HSPG2: variants seen among roughly 807,000 people sequenced by gnomAD.
HSPG2 encodes basement membrane-specific heparan sulfate proteoglycan core protein.
HSPG2 carries 278 observed loss-of-function variants against 526.6 expected under a neutral mutation model. The observed-to-expected ratio is 0.53, with a 90% confidence interval of 0.48 to 0.58. The LOEUF (loss-of-function observed/expected upper bound fraction) is 0.58, where lower values mean the gene tolerates loss of function less well. Ranked by LOEUF, HSPG2 falls within the 20% of genes least tolerant of loss-of-function variation. HSPG2 has a pLI of 0.00. For synonymous variants in HSPG2, 2,465 were observed against 2,555.4 expected, an observed-to-expected ratio of 0.96 and a Z score of 1.07; for missense variants, 5,354 against 6,099.5, an observed-to-expected ratio of 0.88 and a Z score of 4.07.
rs145627267 is a variant in HSPG2, at chr1:21,830,690, C to CA, written c.11671+291dup. ...GGGCAACAAGAGCGAAACTTCGTCT[C>CA]AAAAAAAAAAAAAAAAAAAAAAGAT... On this transcript the variant is annotated intron_variant, in intron 85 of 96. Transcript: ENST00000374695. 49,875 of 109,246 alleles carry CA rather than the reference C, an allele frequency of 0.46. 12,545 individuals are homozygous for CA. Among genetic ancestry groups the CA allele is most frequent in the African/African-American group, 0.68 (8,912 of 13,164 alleles). 6.8% of individuals were successfully genotyped at this position (109,246 alleles called of 1,614,324 possible).
chr1:21,872,890 G>A lies in HSPG2; in HGVS notation c.3888+107C>T. On this transcript the variant is annotated intron_variant, in intron 31 of 96. Transcript: ENST00000374695. This position sits in a 1 kb window ranked among gnomAD's most constrained non-coding sequence, Gnocchi z 5.5. ...GCCCCTGCCCTGTCCCCCATGCCCT[G>A]CCCCCCATGCCCAGGTCTCGGCTTC... The A allele has an allele frequency of 1.1e-5, 17 of 1,525,748 alleles. No homozygotes were observed. Among genetic ancestry groups the A allele is most frequent in the Non-Finnish European group, 1.5e-5 (17 of 1,101,256 alleles). The allele number at this position is 1,525,748 out of a possible 1,614,324, so 94.5% of individuals were successfully genotyped here.
At position 21,859,924 on chromosome 1, in the gene HSPG2, C is replaced by T; in HGVS notation, c.5093G>A (p.Cys1698Tyr). 1.2e-6 allele frequency: 2 copies of T among 1,610,440 alleles called. No homozygotes were observed. The highest frequency in any genetic ancestry group is 1.7e-6 in the Non-Finnish European group (2 of 1,179,298). ...VPQGGSHSLR[C>Y]QVSGSPPHYF... ...GTGGGGTGGGCTCCCACTGACCTGA[C>T]ACCGCAGGGAGTGGGAGCCACCTTG... The change falls in exon 41 of 97, where the codon TGT (cysteine) becomes TAT (tyrosine). Residue 1698 changes from cysteine (C) to tyrosine (Y), a missense_variant. Coordinates refer to ENST00000374695, the MANE Select transcript of HSPG2 (RefSeq NM_005529.7). This position sits in a 1 kb window ranked among gnomAD's most constrained non-coding sequence, Gnocchi z 5.3.
Position 21,833,466 on chromosome 1 carries a change from C to T in HSPG2, c.10978+1G>A, listed in dbSNP as rs1318882338. 5.6e-6 allele frequency: 9 copies of T among 1,614,034 alleles called. No homozygotes were observed. Among genetic ancestry groups the T allele is most frequent in the Non-Finnish European group, 7.6e-6 (9 of 1,180,020 alleles). ...GCCAATTCTTAGGGGTGGTGTCTTACCTGGCACCTGCAGGTGGGCAAAGGC... is the reference window on the plus strand; with the variant it reads ...GCCAATTCTTAGGGGTGGTGTCTTATCTGGCACCTGCAGGTGGGCAAAGGC... On this transcript the variant is annotated splice_donor_variant, in intron 79 of 96. Coordinates refer to ENST00000374695, the MANE Select transcript of HSPG2 (RefSeq NM_005529.7). LOFTEE classifies it high-confidence loss of function.
rs546706122 is a variant in HSPG2 at position 21,833,926 on chromosome 1, C to CT, written c.10721-2dup. The CT allele has an allele frequency of 2.1e-4, 326 of 1,575,378 alleles. 3 individuals carry two copies. The South Asian group carries it at 2.7e-3, about 13-fold the overall frequency. On this transcript the variant is annotated splice_acceptor_variant, in intron 77 of 96. Transcript: ENST00000374695. LOFTEE classifies it high-confidence loss of function. The stretch of plus-strand genomic sequence containing the variant: ...TGGGGCATTGAGATCTGGGGCAAGG[C>CT]TGAGAGGCATGGAAGAGACATAGGC...
rs368102472 is a variant in HSPG2 at position 21,845,194 on chromosome 1, C to T, written c.8465-895G>A. 6.1e-4 allele frequency among the ~76,000 whole-genome samples: 93 copies of T among 152,144 alleles called. 2 individuals carry two copies. The South Asian group carries it at 0.019, about 31-fold the overall frequency. ...CCCAGAGGTGGAGATTGCAGTGAGC[C>T]GAGGTCATGCCACTGCACTCCAGCC... On this transcript the variant is annotated intron_variant, in intron 64 of 96. Transcript: ENST00000374695.
Position 21,859,720 on chromosome 1 carries a change from T to C in HSPG2, c.5183-44A>G. 6.3e-7 allele frequency: 1 copy of C among 1,584,030 alleles called. No individual in the cohort carries two copies. The highest frequency in any genetic ancestry group is 8.6e-7 in the Non-Finnish European group (1 of 1,163,282). ...GAGCTTGTTGGTGCAGATACACTCTTTCTCACATCCAGCCCCATGCACAAG... is the reference window on the plus strand; with the variant it reads ...GAGCTTGTTGGTGCAGATACACTCTCTCTCACATCCAGCCCCATGCACAAG... On this transcript the variant is annotated intron_variant, in intron 41 of 96. Transcript: ENST00000374695. This position sits in a 1 kb window ranked among gnomAD's most constrained non-coding sequence, Gnocchi z 5.3.
At chr1:21,862,830 G>T (rs201428207) in intron 37 of HSPG2, among the ~76,000 whole-genome samples, 1 of 1,686 alleles carries the variant, frequency 5.9e-4, no homozygotes, top group African/African-American at 6.2e-4. Context: ...ATCTCAGGAC[G>T]TGGGTGGATC....
chr1:21,843,310 T>C lies in HSPG2; in HGVS notation c.8745A>G (p.Pro2915=). 6.2e-7 allele frequency: 1 copy of C among 1,614,068 alleles called. No individual in the cohort carries two copies. ...SVLVTIEPSS[P]GPIPAPGLAQ... ...CCTATCACTCACCAGGAATGGGTCC[T>C]GGGCTGGAGGGCTCAATTGTGACCA... Residue 2915 remains proline (P), a synonymous_variant, in exon 66 of 97, where the codon CCA becomes CCG. Coordinates refer to ENST00000374695, the MANE Select transcript of HSPG2 (RefSeq NM_005529.7).
In HSPG2 at chr1:21,824,083, G is replaced by A. The variant is rs377296507; in HGVS notation, c.12899+38C>T. 4.4e-5 allele frequency: 69 copies of A among 1,575,500 alleles called. 1 individual carries two copies. The highest frequency in any genetic ancestry group is 3.9e-4 in the African/African-American group (29 of 74,436). On this transcript the variant is annotated intron_variant, in intron 95 of 96. Transcript: ENST00000374695. The surrounding 1 kb of genome is among the most constrained non-coding windows in gnomAD (Gnocchi z 5.9). ...GGGGCGTCCTGCCCCACTCCAGAAC[G>A]CTGGGCCCCATCCCGAGTGCCCGGC...
rs185524293 is a variant in HSPG2, at chr1:21,933,107, C to T, written c.63+4048G>A. Among the ~76,000 whole-genome samples, 12 of 151,522 alleles carry T rather than the reference C, an allele frequency of 7.9e-5. No homozygotes were observed. In the East Asian group the frequency reaches 2.3e-3, roughly 30 times the overall value. ...TAGAGGAGGGTGTCTGTAGTCCCAG[C>T]TACTCAGGGGGCTGAGGTGGGAGGA... On this transcript the variant is annotated intron_variant, in intron 1 of 96. Coordinates refer to ENST00000374695, the MANE Select transcript of HSPG2 (RefSeq NM_005529.7).
intron 1 of HSPG2, among the ~76,000 whole-genome samples, chr1:21,899,312 G>C (rs924107404): frequency 1.3e-5 from 2 of 152,198 alleles, no homozygotes; most frequent in African/African-American, 4.8e-5. Flanking sequence ...CTCCCAGAAA[G>C]AGCCAAAAGG....
chr1:21,868,273 A>G (rs1374635097), intron 33 of HSPG2, among the ~76,000 whole-genome samples: 2 of 151,862 alleles, frequency 1.3e-5, no homozygotes, highest in African/African-American at 4.8e-5. Context: ...TCCTGACCTC[A>G]GGTGTTCGCC....
chr1:21,896,994 G>C (rs570369317), intron 1 of HSPG2, among the ~76,000 whole-genome samples: 1 of 152,200 alleles, frequency 6.6e-6, no homozygotes, highest in Non-Finnish European at 1.5e-5. Context: ...TCAACTCCAC[G>C]TGACCTCAGG....
At chr1:21,935,425 A>C (rs7541238) in intron 1 of HSPG2, among the ~76,000 whole-genome samples, 142,062 of 152,004 alleles carry the variant, frequency 0.93, 66,895 homozygotes, top group South Asian at 0.99. Flanking sequence ...TGCTGGTCCA[A>C]CCCACCCCAG....
intron 17 of HSPG2, among the ~76,000 whole-genome samples, chr1:21,879,546 G>C (rs1261396481): frequency 6.6e-6 from 1 of 152,170 alleles, no homozygotes; most frequent in African/African-American, 2.4e-5. Context: ...CTTCCCCCTA[G>C]AGTTGCCCTC....
chr1:21,858,300 A>G lies in HSPG2; in HGVS notation c.5294-915T>C, dbSNP rs1286747680. Among the ~76,000 whole-genome samples, 2 of 152,146 alleles carry G rather than the reference A, an allele frequency of 1.3e-5. No individual in the cohort carries two copies. Among genetic ancestry groups the G allele is most frequent in the Non-Finnish European group, 2.9e-5 (2 of 68,024 alleles). On this transcript the variant is annotated intron_variant, in intron 42 of 96. Transcript: ENST00000374695. The surrounding 1 kb of genome is among the most constrained non-coding windows in gnomAD (Gnocchi z 4.2). ...AGCCCTTTTCCCTCTGATTCCCATG[A>G]TGCCCCCTGTCTCTTCCTGCCTCAT... is the stretch of plus-strand genomic sequence containing the variant.
Position 21,846,679 on chromosome 1 carries a change from A to C in HSPG2, c.8165-80T>G. ...GGTTGGTGGGACCCTCTGCCATAGA[A>C]AATCTCACCCCCCAGAGTAACACTA... On this transcript the variant is annotated intron_variant, in intron 62 of 96. Transcript: ENST00000374695. 7 of 1,500,420 alleles carry C rather than the reference A, an allele frequency of 4.7e-6. No individual in the cohort carries two copies. In the South Asian group the frequency reaches 7.9e-5, roughly 17 times the overall value. 92.9% of individuals were successfully genotyped at this position (1,500,420 alleles called of 1,614,324 possible).
chr1:21,853,542 G>C, intron 50 of HSPG2: 1 of 182,296 alleles, frequency 5.5e-6, no homozygotes, highest in South Asian at 1.1e-4. Flanking sequence ...AGGAGATCGA[G>C]ACCATCCTGG....
At chr1:21,837,109 TCTC>T in intron 74 of HSPG2, 103 bp from the exon 75 acceptor site, 1 of 1,048,586 alleles carries the variant, frequency 9.5e-7, no homozygotes, top group Non-Finnish European at 1.4e-6. Context: ...CAAGGAATGT[TCTC>T]CTGATAGCCT....
Sources: allele counts gnomAD v4.1 joint callset (sites outside exome capture counted in the v4.1 genomes callset), GRCh38; gene constraint gnomAD v4.1.1; non-coding constraint Gnocchi (gnomAD v3.1); transcripts MANE v1.5; gene names NCBI Gene and HGNC (gene_info 2026-07-23, HGNC 2026-07-21).